SPAG16: variants seen among roughly 807,000 people sequenced by gnomAD.
SPAG16 encodes sperm-associated antigen 16 protein.
A neutral mutation model predicts 80.4 loss-of-function variants in SPAG16; 86 were observed. The observed-to-expected ratio is 1.07, with a 90% CI of 0.90 to 1.28. SPAG16 has a LOEUF of 1.28. SPAG16 is among the 50% of genes most tolerant of loss of function. SPAG16 has a pLI of 0.00. For missense variants in SPAG16, 870 were observed against 765.3 expected (o/e 1.14, Z -1.61); for synonymous variants, 294 against 265.9 (o/e 1.11, Z -1.03).
At chr2:214,369,214 A>T (rs1038196999) in intron 15 of SPAG16, among the ~76,000 whole-genome samples, 6 of 152,048 alleles carry the variant, frequency 3.9e-5, no homozygotes, top group Admixed American at 3.9e-4. Context: ...GTGTTCCTTT[A>T]TCATGGGCAC....
At chr2:214,070,977 A>G (rs2050763608) in intron 13 of SPAG16, among the ~76,000 whole-genome samples, 1 of 152,102 alleles carries the variant, frequency 6.6e-6, no homozygotes, top group African/African-American at 2.4e-5. Flanking sequence ...TCAATGATTC[A>G]CCTTCATCTG....
At chr2:214,363,974 G>C (rs998922713) in intron 15 of SPAG16, among the ~76,000 whole-genome samples, 1 of 152,072 alleles carries the variant, frequency 6.6e-6, no homozygotes, top group East Asian at 1.9e-4. Flanking sequence ...TATTTTGTTA[G>C]AATTTGACAC....
chr2:213,652,516 G>T (rs1259564435), intron 10 of SPAG16, among the ~76,000 whole-genome samples: 3 of 151,932 alleles, frequency 2.0e-5, no homozygotes, highest in Non-Finnish European at 4.4e-5. Flanking sequence ...CAGCAGCAAG[G>T]TATAAGAAAT....
intron 9 of SPAG16, among the ~76,000 whole-genome samples, chr2:213,397,263 T>C (rs1001614663): frequency 1.3e-5 from 2 of 152,228 alleles, no homozygotes; most frequent in African/African-American, 4.8e-5. Context: ...CCTAAGCCAG[T>C]ATGAGAGAGC....
At position 213,929,062 on chromosome 2, in the gene SPAG16, G is replaced by T. The variant is rs538450453; in HGVS notation, c.1215-898G>T. On this transcript the variant is annotated intron_variant, in intron 11 of 15. Transcript: ENST00000331683. ...TGAGTCTTACTCTGTTGCCCAGGCT[G>T]CAGTGCAGTGGTGCGATCTGGGCTC... Among the ~76,000 whole-genome samples, 3 of 128,704 alleles carry T rather than the reference G, an allele frequency of 2.3e-5. 1 individual carries two copies. Among genetic ancestry groups the T allele is most frequent in the Non-Finnish European group, 4.6e-5 (3 of 64,740 alleles). The allele number at this position is 128,704 out of a possible 152,430, so 84.4% of individuals were successfully genotyped here. A position where few individuals can be genotyped will look rare whatever the true frequency, so the allele number is the denominator to read the frequency against.
At chr2:214,114,948 C>T (rs993180464) in intron 14 of SPAG16, among the ~76,000 whole-genome samples, 4 of 152,218 alleles carry the variant, frequency 2.6e-5, no homozygotes, top group Admixed American at 2.0e-4. Flanking sequence ...GAACAGAACT[C>T]GCTAATATGT....
At chr2:213,941,428 A>G (rs535795819) in intron 12 of SPAG16, among the ~76,000 whole-genome samples, 8 of 152,190 alleles carry the variant, frequency 5.3e-5, no homozygotes, top group African/African-American at 1.9e-4. Context: ...GCATACATAT[A>G]TATTAATTGA....
intron 14 of SPAG16, among the ~76,000 whole-genome samples, chr2:214,144,495 A>G (rs62197903): frequency 1.6e-3 from 241 of 152,274 alleles, no homozygotes; most frequent in Non-Finnish European, 3.1e-3. Context: ...ACAATTATCT[A>G]TTGAACATGA....
chr2:213,934,201 A>G (rs971062638), intron 12 of SPAG16, among the ~76,000 whole-genome samples: 4 of 152,200 alleles, frequency 2.6e-5, no homozygotes, highest in Non-Finnish European at 4.4e-5. Flanking sequence ...ATGCCTGCCT[A>G]GTTTTTCACT....
chr2:213,382,237 A>G (rs969289851), intron 9 of SPAG16, among the ~76,000 whole-genome samples: 1 of 152,166 alleles, frequency 6.6e-6, no homozygotes, highest in African/African-American at 2.4e-5. Flanking sequence ...CTTTTTTAAG[A>G]TGAATTGCTT....
At chr2:213,672,915 G>T (rs973594345) in intron 10 of SPAG16, among the ~76,000 whole-genome samples, 1 of 146,314 alleles carries the variant, frequency 6.8e-6, no homozygotes, top group African/African-American at 2.6e-5. Flanking sequence ...CTGGAGTGCA[G>T]TGGCACGATC....
At chr2:213,394,090 A>G (rs1278957856) in intron 9 of SPAG16, among the ~76,000 whole-genome samples, 2 of 152,108 alleles carry the variant, frequency 1.3e-5, no homozygotes. Flanking sequence ...TAGTAAAACT[A>G]ATCAGTACTT....
intron 9 of SPAG16, among the ~76,000 whole-genome samples, chr2:213,390,769 T>C (rs752336580): frequency 6.6e-6 from 1 of 152,216 alleles, no homozygotes; most frequent in Non-Finnish European, 1.5e-5. Context: ...TTGCCATTAA[T>C]AACTTATGAT....
At chr2:213,545,970 A>G (rs1057411759) in intron 10 of SPAG16, among the ~76,000 whole-genome samples, 1 of 152,138 alleles carries the variant, frequency 6.6e-6, no homozygotes, top group East Asian at 1.9e-4. Context: ...GGGGAAGGTC[A>G]CTACTCTTTT....
Position 213,387,431 on chromosome 2 carries a change from C to CCTTT in SPAG16, c.942+12312_942+12313insCTTT, listed in dbSNP as rs2067489088. Among the ~76,000 whole-genome samples, 2 of 47,916 alleles carry CCTTT rather than the reference C, an allele frequency of 4.2e-5. 1 individual carries two copies. Among genetic ancestry groups the CCTTT allele is most frequent in the African/African-American group, 2.3e-4 (2 of 8,772 alleles). 31.4% of individuals were successfully genotyped at this position (47,916 alleles called of 152,430 possible). A position where few individuals can be genotyped will look rare whatever the true frequency, so the allele number is the denominator to read the frequency against. ...TTTGGGTTGGAATGAAATGCATGCT[C>CCTTT]TTTTTTTTTTTTTTTTTTTTTTTTT... On this transcript the variant is annotated intron_variant, in intron 9 of 15. Coordinates refer to ENST00000331683, the MANE Select transcript of SPAG16 (RefSeq NM_024532.5).
At chr2:214,308,295 C>T (rs748235379) in intron 15 of SPAG16, among the ~76,000 whole-genome samples, 10 of 152,166 alleles carry the variant, frequency 6.6e-5, no homozygotes, top group South Asian at 2.1e-4. Flanking sequence ...GCATGTGAGA[C>T]GGATCTATTG....
chr2:213,945,775 G>A (rs2079425298), intron 12 of SPAG16, among the ~76,000 whole-genome samples: 1 of 152,048 alleles, frequency 6.6e-6, no homozygotes, highest in African/African-American at 2.4e-5. Flanking sequence ...CCAAACATTA[G>A]ATCTGACGGC....
At chr2:214,106,223 T>C (rs2053376177) in intron 13 of SPAG16, among the ~76,000 whole-genome samples, 1 of 152,206 alleles carries the variant, frequency 6.6e-6, no homozygotes, top group South Asian at 2.1e-4. Context: ...CACTGTATAT[T>C]AGTTCTCAAA....
At chr2:214,096,393 G>A (rs1040950004) in intron 13 of SPAG16, among the ~76,000 whole-genome samples, 1 of 151,876 alleles carries the variant, frequency 6.6e-6, no homozygotes, top group Non-Finnish European at 1.5e-5. Flanking sequence ...TGGACATATT[G>A]TGACAAAGGC....
Sources: gnomAD v4.1 joint callset for allele counts (sites outside exome capture counted in the v4.1 genomes callset) on GRCh38, gnomAD v4.1.1 for gene constraint, MANE v1.5 for transcripts, NCBI Gene and HGNC (gene_info 2026-07-23, HGNC 2026-07-21) for gene names.